The following ZNF764 variants were observed in gnomAD, a reference collection of about 807,000 sequenced individuals.
ZNF764 encodes zinc finger protein 764.
A neutral mutation model predicts 13.9 loss-of-function variants in ZNF764; 10 were observed. The ratio of observed to expected loss-of-function variants is 0.72; its 90% confidence interval spans 0.44 to 1.22. The LOEUF (loss-of-function observed/expected upper bound fraction) is 1.22, where lower values mean the gene tolerates loss of function less well. Among genes scored for constraint, ZNF764 ranks in the 50% most tolerant of loss-of-function variants. The pLI, the probability that ZNF764 is intolerant of heterozygous loss-of-function variation, is 0.00. For synonymous variants in ZNF764, 313 were observed against 255.1 expected (o/e 1.23, Z -2.16); for missense variants, 647 against 589.7 (o/e 1.10, Z -1.01).
In ZNF764 at chr16:30,555,294, ACCCGGCCCCTGTGGCC is replaced by A. The variant is rs1414898025; in HGVS notation, c.1108_1123del (p.Gly370SerfsTer7). 22 of 1,611,338 alleles carry A rather than the reference ACCCGGCCCCTGTGGCC, an allele frequency of 1.4e-5. No homozygotes were observed. Among genetic ancestry groups the A allele is most frequent in the South Asian group, 4.4e-5 (4 of 90,914 alleles). The stretch of plus-strand genomic sequence containing the variant: ...CAGGGTCACAGACAGACGCCCGGCG[ACCCGGCCCCTGTGGCC>A]CCCGGCCCCGGGCCGATGAACCCAC... On this transcript the variant is annotated frameshift_variant, in exon 3 of 3. Transcript: ENST00000395091. LOFTEE classifies it low-confidence loss of function (END_TRUNC).
rs567527622 is a variant in ZNF764 at position 30,554,068 on chromosome 16, C to T, written c.*1126G>A. On this transcript the variant is annotated 3_prime_UTR_variant, in exon 3 of 3. Transcript: ENST00000395091. ...GAGTGGTGGGGATGGGTGGCCGGGC[C>T]ACGGTGAATTGTGAGTTCTGGCTCC... 6.6e-6 allele frequency: 1 copy of T among 152,342 alleles called. No homozygotes were observed. Among genetic ancestry groups the T allele is most frequent in the East Asian group, 1.9e-4 (1 of 5,186 alleles). The allele number at this position is 152,342 out of a possible 1,614,324, so 9.4% of individuals were successfully genotyped here. A position where few individuals can be genotyped will look rare whatever the true frequency, so the allele number is the denominator to read the frequency against.
rs1301191247 is a variant in ZNF764, at chr16:30,555,093, G to A, written c.*101C>T. ...TGTCCGCACCCCAGGGCCAGCTCTT[G>A]CCCTAGATTCTGGGACCTCCCTGCA... On this transcript the variant is annotated 3_prime_UTR_variant, in exon 3 of 3. Coordinates refer to ENST00000395091, the MANE Select transcript of ZNF764 (RefSeq NM_001172679.2). 8 of 1,399,878 alleles carry A rather than the reference G, an allele frequency of 5.7e-6. No homozygotes were observed. The highest frequency in any genetic ancestry group is 7.7e-6 in the Non-Finnish European group (8 of 1,036,260). 86.7% of individuals were successfully genotyped at this position (1,399,878 alleles called of 1,614,324 possible).
At chr16:30,556,907 C>A (rs1172254748) in intron 2 of ZNF764, among the ~76,000 whole-genome samples, 1 of 152,074 alleles carries the variant, frequency 6.6e-6, no homozygotes, top group South Asian at 2.1e-4. Context: ...GAGGCCGAGG[C>A]GGGCAGATCA....
chr16:30,558,337 C>G lies in ZNF764; in HGVS notation c.-155G>C. 1.2e-6 allele frequency: 1 copy of G among 819,294 alleles called. No individual in the cohort carries two copies. Among genetic ancestry groups the G allele is most frequent in the Non-Finnish European group, 1.9e-6 (1 of 538,726 alleles). 50.8% of individuals were successfully genotyped at this position (819,294 alleles called of 1,614,324 possible). A position where few individuals can be genotyped will look rare whatever the true frequency, so the allele number is the denominator to read the frequency against. ...GAGGGCGCACTAGAGGGCGTGGAAACTAACGGTGCCGATGGCAGCGGGTGT... is the reference window on the plus strand; with the variant it reads ...GAGGGCGCACTAGAGGGCGTGGAAAGTAACGGTGCCGATGGCAGCGGGTGT... On this transcript the variant is annotated 5_prime_UTR_variant, in exon 1 of 3. Coordinates refer to ENST00000395091, the MANE Select transcript of ZNF764 (RefSeq NM_001172679.2).
rs1179855167 is a variant in ZNF764, at chr16:30,558,101, A to G, written c.82T>C (p.Phe28Leu). Residue 28 changes from phenylalanine to leucine, a missense_variant, in exon 1 of 3, where the codon TTC (phenylalanine) becomes CTC (leucine). Phe to Leu is a conservative substitution (Grantham distance 22). Coordinates refer to ENST00000395091, the MANE Select transcript of ZNF764 (RefSeq NM_001172679.2). ...PEWREPGAVS[F>L]ADVAVYFCRE... ...CAGAAGTACACGGCCACGTCCGCGA[A>G]GCTCACAGCCCCCGGCTCCCTCCAC... 6 of 1,610,706 alleles carry G rather than the reference A, an allele frequency of 3.7e-6. No individual in the cohort carries two copies. Among genetic ancestry groups the G allele is most frequent in the Non-Finnish European group, 5.1e-6 (6 of 1,179,276 alleles).
Position 30,555,222 on chromosome 16 carries a change from T to C in ZNF764, c.1196A>G (p.Tyr399Cys), listed in dbSNP as rs1007936773. The C allele has an allele frequency of 2.5e-6, 4 of 1,611,106 alleles. No individual in the cohort carries two copies. The highest frequency in any genetic ancestry group is 3.4e-6 in the Non-Finnish European group (4 of 1,178,734). Residue 399 changes from tyrosine to cysteine, a missense_variant, in exon 3 of 3, where the codon TAC (tyrosine) becomes TGC (cysteine). Coordinates refer to ENST00000395091, the MANE Select transcript of ZNF764 (RefSeq NM_001172679.2). The part of the protein sequence containing the change: ...DLDPPVGFQL[Y>C]PEIFQECG ...CCCACACTCCTGGAATATCTCCGGG[T>C]ACAGCTGGAAGCCCACGGGCGGGTC...
Position 30,555,760 on chromosome 16 carries a change from G to A in ZNF764, c.658C>T (p.His220Tyr), listed in dbSNP as rs993377050. The A allele has an allele frequency of 6.2e-7, 1 of 1,608,318 alleles. No individual in the cohort carries two copies. The highest frequency in any genetic ancestry group is 1.3e-5 in the African/African-American group (1 of 74,862). Residue 220 changes from histidine (H) to tyrosine (Y), a missense_variant, in exon 3 of 3, where the codon CAC becomes TAC. His to Tyr is a moderately conservative substitution (Grantham distance 83). Transcript: ENST00000395091. Reference sequence around the variant, plus strand: ...CGCTCCCCACGATGGATGGCCCGGTGTTTGCTCAGGGAGGAAGCGTGGCCG... The same window carrying A: ...CGCTCCCCACGATGGATGGCCCGGTATTTGCTCAGGGAGGAAGCGTGGCCG... ...GFGHASSLSK[H>Y]RAIHRGERPH...
At position 30,555,380 on chromosome 16, in the gene ZNF764, C is replaced by T. The variant is rs1172634196; in HGVS notation, c.1038G>A (p.Gln346=). ...ACTTCTGGCCAAAGCGGCGGCCGCA[C>T]TGCGGGCAGGGGTAGGGCTTCTCGC... The part of the protein sequence containing the change: ...HSGEKPYPCP[Q]CGRRFGQKSA... The change falls in exon 3 of 3, where the codon CAG becomes CAA. Residue 346 remains glutamine (Q), a synonymous_variant. Transcript: ENST00000395091. 2.5e-6 allele frequency: 4 copies of T among 1,583,674 alleles called. No homozygotes were observed. The highest frequency in any genetic ancestry group is 3.4e-6 in the Non-Finnish European group (4 of 1,166,112).
At position 30,556,774 on chromosome 16, in the gene ZNF764, G is replaced by A. The variant is rs186637074; in HGVS notation, c.311-667C>T. On this transcript the variant is annotated intron_variant, in intron 2 of 2. Transcript: ENST00000395091. ...GGGTCACTTTGGAAGGCCGAAGCAG[G>A]CGAATCGCTTAGCTCCAGGAGTTAA... 1.1e-4 allele frequency among the ~76,000 whole-genome samples: 17 copies of A among 152,206 alleles called. No homozygotes were observed. The East Asian group carries it at 2.9e-3, about 26-fold the overall frequency.
In ZNF764 at chr16:30,554,678, G is replaced by A. The variant is rs1411271710; in HGVS notation, c.*516C>T. ...CGCCTGTAGTCTCAGATATTTGGAAGGCTGATGGGAGAGGATTCCTTGAGC... is the reference window on the plus strand; with the variant it reads ...CGCCTGTAGTCTCAGATATTTGGAAAGCTGATGGGAGAGGATTCCTTGAGC... On this transcript the variant is annotated 3_prime_UTR_variant, in exon 3 of 3. Coordinates refer to ENST00000395091, the MANE Select transcript of ZNF764 (RefSeq NM_001172679.2). 2 of 152,394 alleles carry A rather than the reference G, an allele frequency of 1.3e-5. No homozygotes were observed. Among genetic ancestry groups the A allele is most frequent in the African/African-American group, 2.4e-5 (1 of 41,406 alleles). The allele number at this position is 152,394 out of a possible 1,614,324, so 9.4% of individuals were successfully genotyped here. A position where few individuals can be genotyped will look rare whatever the true frequency, so the allele number is the denominator to read the frequency against.
chr16:30,556,167 C>T, intron 2 of ZNF764, 60 bp from the exon 3 acceptor site: 1 of 1,591,832 alleles, frequency 6.3e-7, no homozygotes, highest in Non-Finnish European at 8.5e-7. Flanking sequence ...TTGAATCCCA[C>T]AGCCCGCGTG....
Position 30,558,258 on chromosome 16 carries a change from A to G in ZNF764, c.-76T>C. Reference sequence around the variant, plus strand: ...GGGCCTGCGGAACCTCCTGCGCCCGAGAAAGCCTCCCCGGCCCGGGCCCAA... The same window carrying G: ...GGGCCTGCGGAACCTCCTGCGCCCGGGAAAGCCTCCCCGGCCCGGGCCCAA... On this transcript the variant is annotated 5_prime_UTR_variant, in exon 1 of 3. Coordinates refer to ENST00000395091, the MANE Select transcript of ZNF764 (RefSeq NM_001172679.2). The G allele has an allele frequency of 7.0e-7, 1 of 1,437,488 alleles. No homozygotes were observed. The highest frequency in any genetic ancestry group is 9.1e-7 in the Non-Finnish European group (1 of 1,095,348). The allele number at this position is 1,437,488 out of a possible 1,614,324, so 89.0% of individuals were successfully genotyped here.
intron 2 of ZNF764, among the ~76,000 whole-genome samples, chr16:30,556,481 T>G: frequency 6.8e-6 from 1 of 147,338 alleles, no homozygotes. Flanking sequence ...GGGCAAGAAA[T>G]GAAAGAAAAA....
rs763489148 is a variant in ZNF764 at position 30,558,135 on chromosome 16, G to A, written c.48C>T (p.Ala16=). ...APLPPRDPNG[A]GPEWREPGAV... ...CCCCCGGCTCCCTCCACTCGGGTCC[G>A]GCCCCGTTTGGGTCCCGGGGAGGGA... The change falls in exon 1 of 3, where the codon GCC becomes GCT. Residue 16 remains alanine, a synonymous_variant. Transcript: ENST00000395091. 24 of 1,605,300 alleles carry A rather than the reference G, an allele frequency of 1.5e-5. No individual in the cohort carries two copies. Among genetic ancestry groups the A allele is most frequent in the Non-Finnish European group, 2.0e-5 (23 of 1,178,276 alleles).
In ZNF764 at chr16:30,557,992, G is replaced by C; in HGVS notation, c.191C>G (p.Ala64Gly). Residue 64 changes from alanine to glycine, a missense_variant, in exon 1 of 3, where the codon GCT (alanine) becomes GGT (glycine). Physicochemically the swap from Ala to Gly is moderately conservative, Grantham distance 60. Coordinates refer to ENST00000395091, the MANE Select transcript of ZNF764 (RefSeq NM_001172679.2). ...VMRETYGHLSALGIGGNKPAL... is the reference protein window; with the variant it reads ...VMRETYGHLSGLGIGGNKPAL... ...CGAGCAGGTGGGGCTCTCACCGAGA[G>C]CGCTCAGGTGGCCGTAGGTCTCCCG... The C allele has an allele frequency of 6.2e-7, 1 of 1,601,638 alleles. No homozygotes were observed. Among genetic ancestry groups the C allele is most frequent in the Non-Finnish European group, 8.5e-7 (1 of 1,174,774 alleles).
At position 30,557,998 on chromosome 16, in the gene ZNF764, A is replaced by C. The variant is rs570405483; in HGVS notation, c.185T>G (p.Leu62Arg). ...GGTGGGGCTCTCACCGAGAGCGCTC[A>C]GGTGGCCGTAGGTCTCCCGCATCAC... is the stretch of plus-strand genomic sequence containing the variant. ...RDVMRETYGH[L>R]SALGIGGNKP... is the part of the protein sequence containing the mutation. Residue 62 changes from leucine to arginine, a missense_variant, in exon 1 of 3, where the codon CTG becomes CGG. Physicochemically the swap from Leu to Arg is moderately radical, Grantham distance 102 (BLOSUM62 -2). Transcript: ENST00000395091. 52 of 1,604,036 alleles carry C rather than the reference A, an allele frequency of 3.2e-5. 1 individual carries two copies. In the South Asian group the frequency reaches 5.4e-4, roughly 17 times the overall value.
intron 2 of ZNF764, among the ~76,000 whole-genome samples, chr16:30,556,379 G>C (rs2051556831): frequency 6.6e-6 from 1 of 152,124 alleles, no homozygotes; most frequent in Non-Finnish European, 1.5e-5. Context: ...GGACACCTGA[G>C]GATGTTCCAG....
intron 2 of ZNF764, 134 bp downstream of exon 2, chr16:30,557,599 C>T (rs1476968992): frequency 7.5e-7 from 1 of 1,333,846 alleles, no homozygotes; most frequent in Non-Finnish European, 1.0e-6. Context: ...CACGCAGGGG[C>T]TCAGCCTCGT....
chr16:30,557,144 A>G (rs1159016233), intron 2 of ZNF764, among the ~76,000 whole-genome samples: 2 of 147,600 alleles, frequency 1.4e-5, no homozygotes, highest in African/African-American at 5.0e-5. Flanking sequence ...TGTCTCAAAA[A>G]AAAAAAAAAA....
Sources: gnomAD v4.1 joint callset for allele counts (sites outside exome capture counted in the v4.1 genomes callset) on GRCh38, gnomAD v4.1.1 for gene constraint, MANE v1.5 for transcripts, NCBI Gene and HGNC (gene_info 2026-07-23, HGNC 2026-07-21) for gene names.